TAB2: variants seen among roughly 807,000 people sequenced by gnomAD.
TAB2 encodes TGF-beta activated kinase 1 (MAP3K7) binding protein 2.
In TAB2, 3 loss-of-function variants were observed where a neutral mutation model predicts 65.0. The observed-to-expected ratio is 0.05, with a 90% CI of 0.02 to 0.12. The LOEUF is 0.12. Among genes scored for constraint, TAB2 ranks in the 10% least tolerant of loss-of-function variants. TAB2 has a pLI of 1.00. For missense variants in TAB2, 623 were observed against 840.3 expected (o/e 0.74, Z 3.20); for synonymous variants, 298 against 285.1 (o/e 1.05, Z -0.46).
intron 1 of TAB2, among the ~76,000 whole-genome samples, chr6:149,292,858 T>A (rs1778802211): frequency 6.6e-6 from 1 of 152,234 alleles, no homozygotes; most frequent in East Asian, 1.9e-4. Context: ...ATTCCTTTGT[T>A]TTTCATTAAT....
chr6:149,232,668 C>A (rs1183382733), intron 1 of TAB2, among the ~76,000 whole-genome samples: 1 of 152,200 alleles, frequency 6.6e-6, no homozygotes, highest in East Asian at 1.9e-4. Flanking sequence ...TATCACTGAA[C>A]TGGATAATAA....
intron 2 of TAB2, 94 bp downstream of exon 2, chr6:149,370,193 T>G (rs1318737096): frequency 9.0e-7 from 1 of 1,107,742 alleles, no homozygotes; most frequent in Non-Finnish European, 1.3e-6. Flanking sequence ...TTCTTGTTGG[T>G]GTTAGTGTAT....
At chr6:149,235,086 G>T (rs974199097) in intron 1 of TAB2, among the ~76,000 whole-genome samples, 1 of 152,184 alleles carries the variant, frequency 6.6e-6, no homozygotes, top group Non-Finnish European at 1.5e-5. Context: ...TTAAGTGTGC[G>T]CTCTGTGCCA....
intron 1 of TAB2, among the ~76,000 whole-genome samples, chr6:149,275,482 A>C (rs1217165715): frequency 6.6e-6 from 1 of 152,172 alleles, no homozygotes; most frequent in African/African-American, 2.4e-5. Context: ...TATTGAATAA[A>C]TAAATTTATG....
intron 6 of TAB2, among the ~76,000 whole-genome samples, chr6:149,406,395 G>C (rs1161296288): frequency 6.6e-6 from 1 of 152,170 alleles, no homozygotes; most frequent in Non-Finnish European, 1.5e-5. Flanking sequence ...AGTGCCTTAC[G>C]TAGGGGAGGA....
chr6:149,275,284 G>GAA (rs1224647147), intron 1 of TAB2, among the ~76,000 whole-genome samples: 1 of 147,942 alleles, frequency 6.8e-6, no homozygotes, highest in Admixed American at 6.8e-5. Context: ...AAGAAAGAAA[G>GAA]AAAGAAAGAA....
At chr6:149,363,992 G>A (rs1352732496) in intron 1 of TAB2, among the ~76,000 whole-genome samples, 4 of 151,962 alleles carry the variant, frequency 2.6e-5, no homozygotes, top group East Asian at 1.9e-4. Context: ...CACCTCCTTC[G>A]CTTTTGCCCC....
intron 1 of TAB2, among the ~76,000 whole-genome samples, chr6:149,336,158 A>G (rs1480619279): frequency 2.6e-5 from 4 of 152,182 alleles, no homozygotes; most frequent in African/African-American, 9.7e-5. Flanking sequence ...GGCACGTAGT[A>G]GTGCTTAACC....
intron 1 of TAB2, among the ~76,000 whole-genome samples, chr6:149,324,202 CAG>C (rs767642464): frequency 4.3e-4 from 64 of 149,278 alleles, no homozygotes; most frequent in Admixed American, 4.0e-4. Context: ...AAAGGTCCTG[CAG>C]AGAGAGAGAG....
chr6:149,257,821 G>T (rs986330047), intron 1 of TAB2, among the ~76,000 whole-genome samples: 1 of 151,934 alleles, frequency 6.6e-6, no homozygotes, highest in Non-Finnish European at 1.5e-5. Context: ...AGCAAGACAA[G>T]CACAAGCGAG....
chr6:149,227,961 G>C (rs1777318666), intron 1 of TAB2, among the ~76,000 whole-genome samples: 2 of 152,044 alleles, frequency 1.3e-5, no homozygotes, highest in African/African-American at 4.8e-5. Flanking sequence ...TAGCCACAGA[G>C]AGAGAACAAA....
intron 1 of TAB2, among the ~76,000 whole-genome samples, chr6:149,333,745 G>C (rs944764774): frequency 4.7e-5 from 7 of 148,726 alleles, no homozygotes; most frequent in East Asian, 3.9e-4. Context: ...GTGTGTGTGT[G>C]TCTATGTGTC....
At chr6:149,321,944 C>T (rs1246586909) in intron 1 of TAB2, among the ~76,000 whole-genome samples, 1 of 152,104 alleles carries the variant, frequency 6.6e-6, no homozygotes, top group Non-Finnish European at 1.5e-5. Context: ...ATTTGCCTTA[C>T]TCATGTGTAA....
At chr6:149,273,513 C>G (rs1233919428) in intron 1 of TAB2, among the ~76,000 whole-genome samples, 1 of 152,150 alleles carries the variant, frequency 6.6e-6, no homozygotes, top group Non-Finnish European at 1.5e-5. Context: ...CTGCCAGGGC[C>G]AGGTGCTGTG....
At chr6:149,303,536 T>C (rs531962196) in intron 1 of TAB2, among the ~76,000 whole-genome samples, 1 of 152,318 alleles carries the variant, frequency 6.6e-6, no homozygotes, top group East Asian at 1.9e-4. Context: ...TCTATGTATG[T>C]TTACAAATAG....
intron 3 of TAB2, among the ~76,000 whole-genome samples, chr6:149,381,797 C>T (rs751814770): frequency 7.3e-5 from 11 of 151,622 alleles, no homozygotes; most frequent in Non-Finnish European, 1.5e-4. Context: ...GGTCTTGAAC[C>T]CCTGGGCTCA....
intron 1 of TAB2, among the ~76,000 whole-genome samples, chr6:149,226,738 G>A (rs368499641): frequency 3.5e-4 from 53 of 152,306 alleles, no homozygotes; most frequent in African/African-American, 1.3e-3. Context: ...TAAGACACTT[G>A]CATTTTCCTA....
intron 1 of TAB2, among the ~76,000 whole-genome samples, chr6:149,333,102 G>A (rs542828817): frequency 1.8e-4 from 28 of 152,320 alleles, no homozygotes; most frequent in African/African-American, 5.8e-4. Context: ...GCGCTTGAGC[G>A]CTCAGTAAAT....
At chr6:149,373,685 T>G (rs1480725355) in intron 2 of TAB2, among the ~76,000 whole-genome samples, 1 of 152,216 alleles carries the variant, frequency 6.6e-6, no homozygotes, top group African/African-American at 2.4e-5. Flanking sequence ...GATTCAGACC[T>G]TTTTATAGCT....
Sources: gnomAD v4.1 joint callset for allele counts (sites outside exome capture counted in the v4.1 genomes callset) on GRCh38, gnomAD v4.1.1 for gene constraint, MANE v1.5 for transcripts, NCBI Gene and HGNC (gene_info 2026-07-23, HGNC 2026-07-21) for gene names.